The following PAPOLA variants were observed in gnomAD, a reference collection of about 807,000 sequenced individuals.
PAPOLA encodes polynucleotide adenylyltransferase alpha.
In PAPOLA, 15 loss-of-function variants were observed where a neutral mutation model predicts 100.6. The ratio of observed to expected loss-of-function variants is 0.15; its 90% CI spans 0.10 to 0.23. PAPOLA has a LOEUF of 0.23. PAPOLA is among the 10% of genes least tolerant of loss of function. The probability of loss-of-function intolerance (pLI) is 1.00; values close to 1 mark genes in which losing one functional copy is unlikely to be tolerated. For synonymous variants in PAPOLA, 293 were observed against 300.0 expected, an observed-to-expected ratio of 0.98 and a Z score of 0.24; for missense variants, 533 against 884.2, an observed-to-expected ratio of 0.60 and a Z score of 5.04.
intron 1 of PAPOLA, chr14:96,503,046 C>T (rs888349627): frequency 2.9e-5 from 5 of 172,928 alleles, no homozygotes; most frequent in African/African-American, 1.2e-4. Flanking sequence ...TGTTGCTTTT[C>T]TGTTCCTGGT....
intron 7 of PAPOLA, chr14:96,531,989 G>A (rs1899058774): frequency 1.6e-6 from 2 of 1,239,782 alleles, no homozygotes; most frequent in African/African-American, 1.6e-5. Flanking sequence ...TGCTCTTGAA[G>A]AGCAGTTCTT....
intron 10 of PAPOLA, 53 bp downstream of exon 10, chr14:96,534,616 A>G: frequency 6.2e-7 from 1 of 1,612,854 alleles, no homozygotes; most frequent in African/African-American, 1.3e-5. Context: ...TAACAAGTAA[A>G]AATCATCTGC....
chr14:96,511,523 G>C lies in PAPOLA; in HGVS notation c.9-8532G>C, dbSNP rs369254363. 3.0e-3 allele frequency among the ~76,000 whole-genome samples: 454 copies of C among 152,212 alleles called. 17 individuals are homozygous for C. In the South Asian group the frequency reaches 0.081, roughly 27 times the overall value. On this transcript the variant is annotated intron_variant, in intron 1 of 21. Transcript: ENST00000216277. The stretch of plus-strand genomic sequence containing the variant: ...TGCCTAGATTACGCCTCTCCTTTCC[G>C]ATCATTTACTGTGTACACCTTCTGG...
rs192064794 is a variant in PAPOLA at position 96,530,602 on chromosome 14, T to C, written c.496-873T>C. Reference sequence around the variant, plus strand: ...TGGAGTCTCACTATGTTGTCCAGGCTGATCTCGAAGACAGCCTCAAGCAGT... The same window carrying C: ...TGGAGTCTCACTATGTTGTCCAGGCCGATCTCGAAGACAGCCTCAAGCAGT... On this transcript the variant is annotated intron_variant, in intron 6 of 21. Transcript: ENST00000216277. Among the ~76,000 whole-genome samples, 1,078 of 152,196 alleles carry C rather than the reference T, an allele frequency of 7.1e-3. 6 individuals are homozygous for C. Among genetic ancestry groups the C allele is most frequent in the Non-Finnish European group, 0.011 (776 of 67,984 alleles).
At chr14:96,517,415 C>T (rs927162514) in intron 1 of PAPOLA, among the ~76,000 whole-genome samples, 2 of 152,086 alleles carry the variant, frequency 1.3e-5, no homozygotes, top group African/African-American at 4.8e-5. Flanking sequence ...CAGAGGGGTA[C>T]ACAGGGAAAC....
intron 19 of PAPOLA, 115 bp downstream of exon 19, chr14:96,556,528 T>A: frequency 1.4e-6 from 1 of 731,978 alleles, no homozygotes; most frequent in Non-Finnish European, 2.3e-6. Context: ...AACAAAGCTT[T>A]TAGAAAATTT....
chr14:96,526,178 T>C (rs957667245), intron 4 of PAPOLA: 2 of 152,250 alleles, frequency 1.3e-5, no homozygotes, highest in African/African-American at 4.8e-5. Context: ...TTATTGAGCT[T>C]CTTTTCTTTC....
intron 21 of PAPOLA, 53 bp downstream of exon 21, chr14:96,562,946 TG>T: frequency 9.8e-7 from 1 of 1,023,154 alleles, no homozygotes; most frequent in East Asian, 2.4e-5. Flanking sequence ...AAGATTAGTG[TG>T]GTATATTGAA....
intron 4 of PAPOLA, among the ~76,000 whole-genome samples, chr14:96,525,782 CAG>C (rs1357079950): frequency 3.3e-5 from 5 of 152,078 alleles, no homozygotes; most frequent in African/African-American, 1.2e-4. Flanking sequence ...ATTAAAAACT[CAG>C]AGTTTCAGTA....
chr14:96,525,266 C>T (rs761050281), intron 3 of PAPOLA, 44 bp from the exon 4 acceptor site: 26 of 858,670 alleles, frequency 3.0e-5, no homozygotes, highest in Non-Finnish European at 5.2e-5. Context: ...TGAATAGTTT[C>T]CCTTGTGCTC....
intron 1 of PAPOLA, among the ~76,000 whole-genome samples, chr14:96,516,926 C>G (rs1477636660): frequency 6.6e-6 from 1 of 150,502 alleles, no homozygotes; most frequent in Non-Finnish European, 1.5e-5. Context: ...ACAATGAAAG[C>G]CTAAAGATTT....
intron 1 of PAPOLA, among the ~76,000 whole-genome samples, chr14:96,514,742 T>A (rs753282887): frequency 6.6e-6 from 1 of 152,248 alleles, no homozygotes; most frequent in Non-Finnish European, 1.5e-5. Context: ...GAAACTGCTC[T>A]TTAGTGTTAT....
chr14:96,536,021 C>CT (rs767983980), intron 11 of PAPOLA, 22 bp downstream of exon 11: 33 of 1,547,150 alleles, frequency 2.1e-5, no homozygotes, highest in East Asian at 1.9e-4. Flanking sequence ...TCCTTATGCT[C>CT]TGATTTATAC....
chr14:96,561,217 G>A (rs555586103), intron 20 of PAPOLA, among the ~76,000 whole-genome samples: 1 of 152,094 alleles, frequency 6.6e-6, no homozygotes, highest in Admixed American at 6.5e-5. Context: ...GCTTGAATGA[G>A]GTGTAGATGG....
chr14:96,531,298 A>G (rs930122887), intron 6 of PAPOLA, among the ~76,000 whole-genome samples, 177 bp from the exon 7 acceptor site: 2 of 147,974 alleles, frequency 1.4e-5, no homozygotes, highest in African/African-American at 5.0e-5. Context: ...ACTGTGCCAG[A>G]CCTGTATTTT....
intron 16 of PAPOLA, among the ~76,000 whole-genome samples, chr14:96,550,490 G>A (rs1472410127): frequency 6.6e-6 from 1 of 151,938 alleles, no homozygotes; most frequent in Non-Finnish European, 1.5e-5. Context: ...TTTGTTTTTT[G>A]GTCCAAAAAT....
chr14:96,507,290 T>G (rs1235191993), intron 1 of PAPOLA, among the ~76,000 whole-genome samples: 2 of 134,106 alleles, frequency 1.5e-5, no homozygotes, highest in Admixed American at 7.3e-5. Context: ...GTTTTTTTTT[T>G]TTTTTTTTTT....
At chr14:96,547,999 C>T (rs1381131027) in intron 16 of PAPOLA, 81 bp downstream of exon 16, 1 of 1,217,792 alleles carries the variant, frequency 8.2e-7, no homozygotes, top group Non-Finnish European at 1.1e-6. Context: ...AGAATTTAGG[C>T]TCAGTTAATA....
chr14:96,531,038 T>C (rs1325065552), intron 6 of PAPOLA, among the ~76,000 whole-genome samples: 2 of 152,140 alleles, frequency 1.3e-5, no homozygotes, highest in East Asian at 3.9e-4. Flanking sequence ...AGTGTTGCTC[T>C]GTCACCCAGG....
Sources: gnomAD v4.1 joint callset for allele counts (sites outside exome capture counted in the v4.1 genomes callset) on GRCh38, gnomAD v4.1.1 for gene constraint, MANE v1.5 for transcripts, NCBI Gene and HGNC (gene_info 2026-07-23, HGNC 2026-07-21) for gene names.